Variants in ITIH2 observed in about 807,000 individuals in gnomAD.
ITIH2 encodes inter-alpha-trypsin inhibitor heavy chain 2, also known as inter-alpha-trypsin inhibitor heavy chain H2.
In ITIH2, 103 loss-of-function variants were observed where a neutral mutation model predicts 104.4. The observed-to-expected ratio is 0.99, with a 90% CI of 0.84 to 1.16. The LOEUF (loss-of-function observed/expected upper bound fraction) is 1.16. Among genes scored for constraint, ITIH2 ranks in the 50% most tolerant of loss-of-function variants. ITIH2 has a pLI of 0.00. For synonymous variants in ITIH2, 436 were observed against 435.4 expected (o/e 1.00, Z -0.02); for missense variants, 1,108 against 1,162.4 (o/e 0.95, Z 0.68).
rs2130967063 is a variant in ITIH2, at chr10:7,744,892, T to C, written c.2510T>C (p.Val837Ala). The change falls in exon 19 of 21, where the codon GTC becomes GCC. Residue 837 changes from valine to alanine, a missense_variant. Val to Ala is a moderately conservative substitution (Grantham distance 64). Coordinates refer to ENST00000358415, the MANE Select transcript of ITIH2 (RefSeq NM_002216.3). Reference protein sequence around the residue: ...LLHRVWKKHPVNVDFLGIYIP... With the variant: ...LLHRVWKKHPANVDFLGIYIP... ...CATCGTGTTTGGAAGAAGCATCCCG[T>C]CAATGTTGACTTTCTGGGAATCTAC... 1 of 1,614,156 alleles carries C rather than the reference T, an allele frequency of 6.2e-7. No homozygotes were observed. Among genetic ancestry groups the C allele is most frequent in the Non-Finnish European group, 8.5e-7 (1 of 1,179,980 alleles).
At position 7,726,023 on chromosome 10, in the gene ITIH2, G is replaced by A. The variant is rs759434804; in HGVS notation, c.985-927G>A. 7.2e-5 allele frequency among the ~76,000 whole-genome samples: 11 copies of A among 152,314 alleles called. 1 individual carries two copies. In the South Asian group the frequency reaches 2.3e-3, roughly 32 times the overall value. On this transcript the variant is annotated intron_variant, in intron 9 of 20. Transcript: ENST00000358415. ...CAGGAGGGAGATGAGAGCACTTGCC[G>A]GTGCATGAGAAATGAAGATGGACCT...
chr10:7,724,234 C>T (rs571427184), intron 9 of ITIH2, among the ~76,000 whole-genome samples: 3 of 152,106 alleles, frequency 2.0e-5, no homozygotes, highest in South Asian at 2.1e-4. Context: ...TTTTGACCAC[C>T]CAAGAGTTCA....
At chr10:7,746,864 T>A (rs1349377614) in intron 20 of ITIH2, among the ~76,000 whole-genome samples, 160 bp downstream of exon 20, 3 of 152,324 alleles carry the variant, frequency 2.0e-5, no homozygotes, top group Admixed American at 1.3e-4. Flanking sequence ...ATAAGGACAC[T>A]TCTGATATCC....
At position 7,706,321 on chromosome 10, in the gene ITIH2, C is replaced by A. The variant is rs563832660; in HGVS notation, c.160-880C>A. On this transcript the variant is annotated intron_variant, in intron 2 of 20. Transcript: ENST00000358415. ...GGCAAGCTGAGCTTATATCCAACAC[C>A]CGACTTCTTGGATCTATTATTAACA... Among the ~76,000 whole-genome samples the A allele has an allele frequency of 3.3e-5, 5 of 152,264 alleles. 1 individual carries two copies. The East Asian group carries it at 9.7e-4, about 29-fold the overall frequency.
chr10:7,748,188 C>G (rs971272588), intron 20 of ITIH2, among the ~76,000 whole-genome samples: 1 of 148,160 alleles, frequency 6.7e-6, no homozygotes, highest in Non-Finnish European at 1.5e-5. Flanking sequence ...CAGCCTGACT[C>G]CATCTCATAA....
At chr10:7,717,935 G>A (rs1564300204) in intron 6 of ITIH2, 147 bp downstream of exon 6, 1 of 760,864 alleles carries the variant, frequency 1.3e-6, no homozygotes, top group East Asian at 2.6e-5. Context: ...AAGATGGTGG[G>A]TTTGGAGTCA....
rs1223080553 is a variant in ITIH2 at position 7,732,366 on chromosome 10, T to C, written c.1676T>C (p.Leu559Pro). The C allele has an allele frequency of 2.5e-6, 4 of 1,614,004 alleles. No individual in the cohort carries two copies. The African/African-American group carries it at 5.3e-5, about 22-fold the overall frequency. ...AACACGCAGTTAGTCTTGGAGACCCTGGCCCAGATGGACGACTTGCAGGAT... is the reference window on the plus strand; with the variant it reads ...AACACGCAGTTAGTCTTGGAGACCCCGGCCCAGATGGACGACTTGCAGGAT... ...SANTQLVLET[L>P]AQMDDLQDFL... The change falls in exon 14 of 21, where the codon CTG (leucine) becomes CCG (proline). Residue 559 changes from leucine (L) to proline (P), a missense_variant. Transcript: ENST00000358415.
intron 12 of ITIH2, 118 bp from the exon 13 acceptor site, chr10:7,731,693 C>A: frequency 4.1e-6 from 3 of 727,400 alleles, no homozygotes; most frequent in South Asian, 4.9e-5. Flanking sequence ...CCACTGCACT[C>A]CAGCCTGGGC....
intron 15 of ITIH2, 42 bp downstream of exon 15, chr10:7,735,133 C>T: frequency 6.4e-7 from 1 of 1,554,638 alleles, no homozygotes; most frequent in Non-Finnish European, 8.7e-7. Flanking sequence ...AGGCAGCTCT[C>T]TTGCCCCGGG....
intron 20 of ITIH2, among the ~76,000 whole-genome samples, chr10:7,748,932 C>T (rs1199279740): frequency 6.6e-6 from 1 of 152,042 alleles, no homozygotes; most frequent in Non-Finnish European, 1.5e-5. Flanking sequence ...CTACTGTTTC[C>T]CTCGCTGGAA....
chr10:7,730,010 C>T lies in ITIH2; in HGVS notation c.1338C>T (p.Ile446=). The T allele has an allele frequency of 1.2e-6, 2 of 1,613,086 alleles. No homozygotes were observed. Among genetic ancestry groups the T allele is most frequent in the South Asian group, 2.2e-5 (2 of 90,886 alleles). Residue 446 remains isoleucine, a synonymous_variant, in exon 12 of 21, where the codon ATC becomes ATT. Coordinates refer to ENST00000358415, the MANE Select transcript of ITIH2 (RefSeq NM_002216.3). ...TTAAGGAGAACATCCAAGACAATAT[C>T]TCCTTGTTCAGTTTGGGCATGGGAT... ...KNVKENIQDN[I]SLFSLGMGFD...
chr10:7,725,292 G>A (rs1834942071), intron 9 of ITIH2, among the ~76,000 whole-genome samples: 1 of 152,178 alleles, frequency 6.6e-6, no homozygotes, highest in Non-Finnish European at 1.5e-5. Context: ...AGACCTCTGA[G>A]GAGACCCTGA....
At chr10:7,731,613 T>TA (rs1413801397) in intron 12 of ITIH2, among the ~76,000 whole-genome samples, 198 bp from the exon 13 acceptor site, 1 of 152,020 alleles carries the variant, frequency 6.6e-6, no homozygotes, top group African/African-American at 2.4e-5. Flanking sequence ...TAATCCCAGC[T>TA]ACTTGTGGGG....
intron 7 of ITIH2, 42 bp from the exon 8 acceptor site, chr10:7,721,607 A>T (rs1274569084): frequency 1.3e-6 from 2 of 1,590,600 alleles, no homozygotes; most frequent in Non-Finnish European, 1.7e-6. Flanking sequence ...AGCACTGGGA[A>T]GGGGCTAGAG....
At chr10:7,704,309 C>T (rs1210206694) in intron 1 of ITIH2, among the ~76,000 whole-genome samples, 1 of 152,242 alleles carries the variant, frequency 6.6e-6, no homozygotes, top group Non-Finnish European at 1.5e-5. Flanking sequence ...AAATATCACT[C>T]TGTCTGCTTT....
chr10:7,748,321 T>C (rs1256943065), intron 20 of ITIH2, among the ~76,000 whole-genome samples: 5 of 148,736 alleles, frequency 3.4e-5, no homozygotes, highest in Non-Finnish European at 7.4e-5. Context: ...AAGCACCTCA[T>C]GGTTCATAAC....
chr10:7,717,137 A>G (rs943058430), intron 5 of ITIH2, among the ~76,000 whole-genome samples: 1 of 152,056 alleles, frequency 6.6e-6, no homozygotes, highest in Non-Finnish European at 1.5e-5. Flanking sequence ...TATTTTTAGT[A>G]GAGACGGGGT....
chr10:7,743,817 G>T (rs1835149158), intron 17 of ITIH2, among the ~76,000 whole-genome samples: 1 of 151,626 alleles, frequency 6.6e-6, no homozygotes, highest in East Asian at 1.9e-4. Flanking sequence ...CTATATGATA[G>T]TCAATTATTT....
chr10:7,729,731 G>C, intron 11 of ITIH2: 1 of 442,204 alleles, frequency 2.3e-6, no homozygotes, highest in Non-Finnish European at 4.0e-6. Context: ...TTTCCAATAT[G>C]TTGCTAATTC....
Sources: allele counts gnomAD v4.1 joint callset (sites outside exome capture counted in the v4.1 genomes callset), GRCh38; gene constraint gnomAD v4.1.1; transcripts MANE v1.5; gene names NCBI Gene and HGNC (gene_info 2026-07-23, HGNC 2026-07-21).